The following FALEC variants were observed in gnomAD, a reference collection of about 807,000 sequenced individuals.
The protein encoded by FALEC is focally amplified lncRNA regulator of ECM1, also known as focally amplified lncRNA on chromosome 1.
chr1:150,535,312 C>G, the FALEC span, among the ~76,000 whole-genome samples: 11 of 152,232 alleles, frequency 7.2e-5, no homozygotes, highest in African/African-American at 2.6e-4. Flanking sequence ...GGCGCAATCT[C>G]AGCTCACTGC....
the FALEC span, among the ~76,000 whole-genome samples, chr1:150,532,582 C>A: frequency 1.3e-5 from 2 of 152,142 alleles, no homozygotes; most frequent in African/African-American, 4.8e-5. Context: ...GTTGCCAGCA[C>A]CCGCCTTGGT....
chr1:150,529,651 G>A, the FALEC span, among the ~76,000 whole-genome samples: 1 of 151,500 alleles, frequency 6.6e-6, no homozygotes, highest in African/African-American at 2.4e-5. Context: ...AGGCTGGAGT[G>A]CAGTGGCGCC....
downstream of FALEC, among the ~76,000 whole-genome samples, chr1:150,520,532 T>C (rs1383715591): frequency 6.6e-6 from 1 of 152,208 alleles, no homozygotes; most frequent in Non-Finnish European, 1.5e-5. Flanking sequence ...TTCCATTGTA[T>C]GTGTATACAT....
chr1:150,522,285 A>G (rs1418152997), downstream of FALEC, among the ~76,000 whole-genome samples: 1 of 150,530 alleles, frequency 6.6e-6, no homozygotes, highest in Non-Finnish European at 1.5e-5. Context: ...CCATGTTGTA[A>G]TCCTTTTCTG....
At chr1:150,522,902 T>TACACATATATATACGTATATATATATAC (rs367563576), downstream of FALEC, among the ~76,000 whole-genome samples, 1 of 53,138 alleles carries the variant, frequency 1.9e-5, no homozygotes, top group Non-Finnish European at 4.2e-5. Context: ...TATATATATA[T>TACACATATATATACGTATATATATATAC]ACATATATAT....
At chr1:150,529,561 G>T in the FALEC span, among the ~76,000 whole-genome samples, 2 of 151,940 alleles carry the variant, frequency 1.3e-5, no homozygotes, top group African/African-American at 4.8e-5. Flanking sequence ...TGGCCTGCTT[G>T]CCTAGCAGGG....
the FALEC span, among the ~76,000 whole-genome samples, chr1:150,533,256 C>T: frequency 6.2e-4 from 95 of 152,244 alleles, no homozygotes; most frequent in East Asian, 0.014. Context: ...AGAGGGCACC[C>T]GTGGGTGTTG....
At chr1:150,528,140 G>C in the FALEC span, among the ~76,000 whole-genome samples, 1 of 152,174 alleles carries the variant, frequency 6.6e-6, no homozygotes, top group African/African-American at 2.4e-5. Context: ...CAGGGAACTT[G>C]TGGATGAATT....
the FALEC span, among the ~76,000 whole-genome samples, chr1:150,529,552 G>A: frequency 1.3e-5 from 2 of 152,176 alleles, no homozygotes; most frequent in East Asian, 3.9e-4. Flanking sequence ...CTTCCCCTAT[G>A]GCCTGCTTGC....
At chr1:150,522,874 T>TATATAC (rs1670664476), downstream of FALEC, among the ~76,000 whole-genome samples, 1 of 122,228 alleles carries the variant, frequency 8.2e-6, no homozygotes, top group African/African-American at 3.3e-5. Flanking sequence ...TACGTATATA[T>TATATAC]ACATATATAT....
the FALEC span, among the ~76,000 whole-genome samples, chr1:150,525,181 G>A: frequency 6.6e-6 from 1 of 152,236 alleles, no homozygotes; most frequent in South Asian, 2.1e-4. Flanking sequence ...CAGCTACTCA[G>A]GAGGCTGAGG....
At chr1:150,522,969 ATATATATATATATATTTT>A (rs1670674500), downstream of FALEC, among the ~76,000 whole-genome samples, 2 of 32,724 alleles carry the variant, frequency 6.1e-5, 1 homozygote, top group African/African-American at 3.1e-4. Flanking sequence ...ATATATATAT[ATATATATATATATATTTT>A]TTTTTTTTTT....
downstream of FALEC, among the ~76,000 whole-genome samples, chr1:150,519,638 T>G (rs12129037): frequency 1.1e-4 from 17 of 150,564 alleles, no homozygotes; most frequent in African/African-American, 3.9e-4. Flanking sequence ...GGATGGATCA[T>G]AAGGTCAGGA....
the FALEC span, among the ~76,000 whole-genome samples, chr1:150,527,686 C>T: frequency 6.6e-6 from 1 of 151,946 alleles, no homozygotes; most frequent in African/African-American, 2.4e-5. Context: ...CCCACCTCTA[C>T]TAAAAATACA....
At chr1:150,521,133 T>G (rs1670637343), downstream of FALEC, among the ~76,000 whole-genome samples, 1 of 152,198 alleles carries the variant, frequency 6.6e-6, no homozygotes. Flanking sequence ...TTCAGAAATA[T>G]GCCAATTTAT....
the FALEC span, among the ~76,000 whole-genome samples, chr1:150,525,830 C>G: frequency 6.6e-6 from 1 of 152,090 alleles, no homozygotes; most frequent in Non-Finnish European, 1.5e-5. Flanking sequence ...TTTGTAGAGA[C>G]AGAGGTCTTG....
At chr1:150,534,254 A>T in the FALEC span, among the ~76,000 whole-genome samples, 2 of 152,178 alleles carry the variant, frequency 1.3e-5, no homozygotes, top group Non-Finnish European at 2.9e-5. Flanking sequence ...GCTGCCCTGC[A>T]GGTGTGGGCT....
At chr1:150,523,913 A>C in the FALEC span, among the ~76,000 whole-genome samples, 1 of 152,144 alleles carries the variant, frequency 6.6e-6, no homozygotes, top group Non-Finnish European at 1.5e-5. Context: ...ATTTGACAAC[A>C]GAAGAGAAGG....
At chr1:150,523,754 C>A in the FALEC span, among the ~76,000 whole-genome samples, 12 of 151,928 alleles carry the variant, frequency 7.9e-5, no homozygotes, top group African/African-American at 2.9e-4. Flanking sequence ...CAAAGATTTC[C>A]AGGTCCTACT....
Sources: allele counts gnomAD v4.1 joint callset (sites outside exome capture counted in the v4.1 genomes callset), GRCh38; gene constraint gnomAD v4.1.1; transcripts MANE v1.5; gene names NCBI Gene and HGNC (gene_info 2026-07-23, HGNC 2026-07-21).